Variants in COL2A1 observed in about 807,000 individuals in gnomAD.
COL2A1 encodes collagen type II alpha 1 chain, also known as collagen alpha-1(II) chain.
In COL2A1, 28 loss-of-function variants were observed where a neutral mutation model predicts 204.5. The ratio of observed to expected loss-of-function variants is 0.14; its 90% confidence interval spans 0.10 to 0.19. COL2A1 has a LOEUF of 0.19. Among genes scored for constraint, COL2A1 ranks in the 10% least tolerant of loss-of-function variants. The pLI is 1.00. For missense variants in COL2A1, 1,388 were observed against 2,027.5 expected (o/e 0.68, Z 6.06); for synonymous variants, 708 against 718.7 (o/e 0.99, Z 0.24).
Position 47,980,708 on chromosome 12 carries a change from C to T in COL2A1, c.2518-47G>A, listed in dbSNP as rs1388195406. 2 of 1,561,548 alleles carry T rather than the reference C, an allele frequency of 1.3e-6. No individual in the cohort carries two copies. Among genetic ancestry groups the T allele is most frequent in the Non-Finnish European group, 1.7e-6 (2 of 1,145,208 alleles). On this transcript the variant is annotated intron_variant, in intron 38 of 53. Coordinates refer to ENST00000380518, the MANE Select transcript of COL2A1 (RefSeq NM_001844.5). This position sits in a 1 kb window ranked among gnomAD's most constrained non-coding sequence, Gnocchi z 4.5. The stretch of plus-strand genomic sequence containing the variant: ...AGGTGAATGAGGGGCAGGCTAAAAC[C>T]CTGGAGCTCTTCCAGAAGAGCAGGA...
chr12:47,976,851 G>A lies in COL2A1; in HGVS notation c.3396C>T (p.His1132=), dbSNP rs1938732549. The A allele has an allele frequency of 1.2e-6, 2 of 1,613,330 alleles. No individual in the cohort carries two copies. The highest frequency in any genetic ancestry group is 2.7e-5 in the African/African-American group (2 of 74,916). Residue 1132 remains histidine (H), a synonymous_variant, in exon 48 of 54, where the codon CAC becomes CAT. Transcript: ENST00000380518. The surrounding 1 kb of genome is among the most constrained non-coding windows in gnomAD (Gnocchi z 4.3). ...GACCCTGCAGACCAGTGAAGCCACGGTGTCCCTTCAGGCCTCTCTCGCCAG... is the reference window on the plus strand; with the variant it reads ...GACCCTGCAGACCAGTGAAGCCACGATGTCCCTTCAGGCCTCTCTCGCCAG... ...GEPGERGLKG[H]RGFTGLQGLP...
At chr12:47,977,064 C>G in intron 47 of COL2A1, 38 bp downstream of exon 47, 1 of 1,589,984 alleles carries the variant, frequency 6.3e-7, no homozygotes, top group Non-Finnish European at 8.6e-7. Flanking sequence ...CCAGCCTATC[C>G]CTGGTGGGGA....
At chr12:47,981,476 G>C (rs1322442308) in intron 36 of COL2A1, 80 bp from the exon 37 acceptor site, 1 of 1,320,474 alleles carries the variant, frequency 7.6e-7, no homozygotes, top group Non-Finnish European at 1.1e-6. Flanking sequence ...CATTTGGGGG[G>C]CCTTGCTCGT....
rs1057521852 is a variant in COL2A1, at chr12:47,985,531, T to C, written c.1734+3A>G. ...CCTAGCAGCCCTCAGAGGATAGACTTACAGAAGGGCCAACTTTGCCTTGAG... is the reference window on the plus strand; with the variant it reads ...CCTAGCAGCCCTCAGAGGATAGACTCACAGAAGGGCCAACTTTGCCTTGAG... On this transcript the variant is annotated splice_donor_region_variant and intron_variant, in intron 26 of 53. Transcript: ENST00000380518. The C allele has an allele frequency of 3.7e-6, 6 of 1,613,822 alleles. No homozygotes were observed. Among genetic ancestry groups the C allele is most frequent in the Non-Finnish European group, 4.2e-6 (5 of 1,179,940 alleles).
At position 47,975,973 on chromosome 12, in the gene COL2A1, G is replaced by A. The variant is rs755689448; in HGVS notation, c.3587C>T (p.Thr1196Ile). Residue 1196 changes from threonine (T) to isoleucine (I), a missense_variant, in exon 50 of 54, where the codon ACC (threonine) becomes ATC (isoleucine). Transcript: ENST00000380518. ...PPGPRGRSGE[T>I]GPAGPPGNPG... is the part of the protein sequence containing the mutation. ...AGTCAGGACACTTACAGCAGGGCCG[G>A]TTTCGCCTGATCGTCCACGGGGACC... 2 of 1,613,300 alleles carry A rather than the reference G, an allele frequency of 1.2e-6. No homozygotes were observed. The highest frequency in any genetic ancestry group is 2.2e-5 in the East Asian group (1 of 44,866).
At chr12:48,000,545 G>A (rs1382743887) in intron 1 of COL2A1, among the ~76,000 whole-genome samples, 2 of 152,144 alleles carry the variant, frequency 1.3e-5, no homozygotes, top group Admixed American at 1.3e-4. Context: ...CAGAAAAATG[G>A]CGAGACCTCC....
chr12:47,992,311 CG>C (rs1939744348), intron 16 of COL2A1, among the ~76,000 whole-genome samples: 1 of 152,128 alleles, frequency 6.6e-6, no homozygotes, highest in South Asian at 2.1e-4. Context: ...TTCTGTGTCT[CG>C]GTTTTTTCAT....
chr12:47,993,069 G>T, intron 15 of COL2A1, 138 bp from the exon 16 acceptor site: 1 of 811,086 alleles, frequency 1.2e-6, no homozygotes, highest in Non-Finnish European at 2.1e-6. Context: ...ACCTCCTGAT[G>T]GTGCTGGCTC....
chr12:47,983,876 C>T, intron 29 of COL2A1, 140 bp from the exon 30 acceptor site: 1 of 985,992 alleles, frequency 1.0e-6, no homozygotes, highest in Non-Finnish European at 1.6e-6. Context: ...TGCATGCCTC[C>T]CTGCACTCCC....
chr12:47,986,557 GC>G (rs1939427001), intron 22 of COL2A1, 114 bp from the exon 23 acceptor site: 1 of 751,270 alleles, frequency 1.3e-6, no homozygotes, highest in South Asian at 1.6e-5. Context: ...CTGGGGGGGG[GC>G]TTGAGGACGA....
intron 40 of COL2A1, 133 bp downstream of exon 40, chr12:47,979,876 G>C (rs1466942209): frequency 1.2e-6 from 1 of 818,214 alleles, no homozygotes; most frequent in African/African-American, 1.7e-5. Flanking sequence ...CTGGCTGTGG[G>C]TGGGCTTAGG....
At chr12:47,988,461 C>G (rs1311514035) in intron 18 of COL2A1, 1 of 154,474 alleles carries the variant, frequency 6.5e-6, no homozygotes, top group East Asian at 1.9e-4. Context: ...GGTTTCTTCT[C>G]AGAACATTCC....
intron 11 of COL2A1, 72 bp downstream of exon 11, chr12:47,995,183 C>T: frequency 7.1e-7 from 1 of 1,402,710 alleles, no homozygotes. Flanking sequence ...CCCTGTCACT[C>T]CCCAAGCACA....
chr12:47,988,063 C>T (rs554467466), intron 18 of COL2A1, among the ~76,000 whole-genome samples: 152 of 152,270 alleles, frequency 1.0e-3, no homozygotes, highest in African/African-American at 3.2e-3. Flanking sequence ...ATCCTGGCAC[C>T]GTGGGATGAT....
intron 11 of COL2A1, among the ~76,000 whole-genome samples, chr12:47,994,924 T>C (rs1939881466): frequency 6.6e-6 from 1 of 152,264 alleles, no homozygotes; most frequent in South Asian, 2.1e-4. Context: ...TGCTGGGTTG[T>C]TGAACGCTTC....
chr12:48,005,020 C>T (rs978848421), upstream of COL2A1, among the ~76,000 whole-genome samples: 7 of 152,196 alleles, frequency 4.6e-5, no homozygotes, highest in Non-Finnish European at 1.0e-4. Flanking sequence ...CTAGCTGAGC[C>T]AGATCTGAAG....
rs1938921307 is a variant in COL2A1 at position 47,979,556 on chromosome 12, A to G, written c.2688T>C (p.Thr896=). 1.9e-6 allele frequency: 3 copies of G among 1,606,406 alleles called. No homozygotes were observed. The highest frequency in any genetic ancestry group is 2.7e-5 in the African/African-American group (2 of 73,982). ...CGCGGCCAGCAGCTCCAGGGAATCC[A>G]GTGGCTCCCTGTGTGGGGAGAGGAG... The part of the protein sequence containing the change: ...ARGAQGPPGA[T]GFPGAAGRVG... The change falls in exon 41 of 54, where the codon ACT becomes ACC. Residue 896 remains threonine (T), a synonymous_variant. Transcript: ENST00000380518.
intron 34 of COL2A1, 58 bp downstream of exon 34, chr12:47,982,444 G>C: frequency 7.1e-7 from 1 of 1,409,844 alleles, no homozygotes; most frequent in South Asian, 1.2e-5. Flanking sequence ...GCGATCACAA[G>C]GGGCAGGAAT....
rs775279845 is a variant in COL2A1, at chr12:47,974,715, T to G, written c.4034A>C (p.Lys1345Thr). 9 of 1,614,118 alleles carry G rather than the reference T, an allele frequency of 5.6e-6. No homozygotes were observed. The highest frequency in any genetic ancestry group is 7.6e-6 in the Non-Finnish European group (9 of 1,180,050). Reference sequence around the variant, plus strand: ...GATGGTTTCTCCAAACCAGATGTGTTTCTTCTCCTTGCTCTTGCTGCTCCA... The same window carrying G: ...GATGGTTTCTCCAAACCAGATGTGTGTCTTCTCCTTGCTCTTGCTGCTCCA... ...NWWSSKSKEK[K>T]HIWFGETING... Residue 1345 changes from lysine (K) to threonine (T), a missense_variant, in exon 52 of 54, where the codon AAA (lysine) becomes ACA (threonine). This residue lies in a region of COL2A1 where 303 missense variants were observed against 369.2 expected (regional missense o/e 0.82). Transcript: ENST00000380518.
Sources: gnomAD v4.1 joint callset for allele counts (sites outside exome capture counted in the v4.1 genomes callset) on GRCh38, gnomAD v4.1.1 for gene constraint, gnomAD v4.1.1 regional missense constraint, Gnocchi (gnomAD v3.1) non-coding constraint, MANE v1.5 for transcripts, NCBI Gene and HGNC (gene_info 2026-07-23, HGNC 2026-07-21) for gene names.